Variants in SHCBP1 observed in about 807,000 individuals in gnomAD.
SHCBP1 encodes the protein SHC binding and spindle associated 1.
A neutral mutation model predicts 75.1 loss-of-function variants in SHCBP1; 60 were observed. The observed-to-expected ratio is 0.80, with a 90% CI of 0.65 to 0.99. SHCBP1 has a LOEUF of 0.99. SHCBP1 is among the 50% of genes least tolerant of loss of function. The pLI is 0.00. For synonymous variants in SHCBP1, 290 were observed against 293.2 expected, an observed-to-expected ratio of 0.99 and a Z score of 0.11; for missense variants, 709 against 809.4, an observed-to-expected ratio of 0.88 and a Z score of 1.50.
rs897885179 is a variant in SHCBP1 at position 46,603,751 on chromosome 16, A to G, written c.1093-92T>C. ...GGTGACTTCATGTCTTACTTTGAAA[A>G]TGGAAGCCAAAAACTGCATATTGAA... On this transcript the variant is annotated intron_variant, in intron 7 of 12. Transcript: ENST00000303383. The G allele has an allele frequency of 4.6e-6, 7 of 1,529,518 alleles. No individual in the cohort carries two copies. In the African/African-American group the frequency reaches 9.7e-5, roughly 21 times the overall value. The allele number at this position is 1,529,518 out of a possible 1,614,324, so 94.7% of individuals were successfully genotyped here. A position where few individuals can be genotyped will look rare whatever the true frequency, so the allele number is the denominator to read the frequency against.
At chr16:46,608,229 C>A (rs1412223898) in intron 5 of SHCBP1, 68 bp downstream of exon 5, 1 of 1,053,556 alleles carries the variant, frequency 9.5e-7, no homozygotes, top group South Asian at 1.4e-5. Flanking sequence ...GTATCTCACA[C>A]AGGCAAAATT....
At chr16:46,590,610 C>T (rs1041967735) in intron 10 of SHCBP1, among the ~76,000 whole-genome samples, 3 of 152,168 alleles carry the variant, frequency 2.0e-5, no homozygotes, top group African/African-American at 7.2e-5. Flanking sequence ...ATCAAAAACA[C>T]AATGAGATAC....
intron 12 of SHCBP1, 68 bp from the exon 13 acceptor site, chr16:46,582,122 A>G: frequency 6.8e-7 from 1 of 1,467,264 alleles, no homozygotes; most frequent in Non-Finnish European, 9.1e-7. Context: ...ATATATTTCT[A>G]CACAGTCTTC....
chr16:46,591,553 T>C (rs919126945), intron 10 of SHCBP1, among the ~76,000 whole-genome samples: 1 of 151,486 alleles, frequency 6.6e-6, no homozygotes, highest in African/African-American at 2.4e-5. Context: ...AACAAACAAA[T>C]TCAGTTATAG....
chr16:46,615,689 G>A (rs191512969), intron 4 of SHCBP1, among the ~76,000 whole-genome samples: 71 of 152,140 alleles, frequency 4.7e-4, no homozygotes, highest in East Asian at 1.7e-3. Context: ...GCAGTGAGCC[G>A]AGATCATGCC....
Position 46,599,968 on chromosome 16 carries a change from G to T in SHCBP1, c.1214-6C>A. On this transcript the variant is annotated splice_region_variant and splice_polypyrimidine_tract_variant and intron_variant, in intron 8 of 12. Transcript: ENST00000303383. The stretch of plus-strand genomic sequence containing the variant: ...GTCATCTGGTAGGCCATATCCTAAG[G>T]AAGAGAGAGCAACAACACTCAAGAT... 6.2e-7 allele frequency: 1 copy of T among 1,612,164 alleles called. No individual in the cohort carries two copies. Among genetic ancestry groups the T allele is most frequent in the Non-Finnish European group, 8.5e-7 (1 of 1,179,336 alleles).
At chr16:46,608,789 T>C (rs1357187774) in intron 4 of SHCBP1, among the ~76,000 whole-genome samples, 1 of 151,932 alleles carries the variant, frequency 6.6e-6, no homozygotes, top group East Asian at 1.9e-4. Context: ...TTAGTAGAGA[T>C]GGGGATTCAC....
At chr16:46,607,606 T>C (rs1965345094) in intron 5 of SHCBP1, among the ~76,000 whole-genome samples, 1 of 152,116 alleles carries the variant, frequency 6.6e-6, no homozygotes, top group Non-Finnish European at 1.5e-5. Context: ...AGGGAAAAAA[T>C]TACCTTCTAC....
intron 4 of SHCBP1, among the ~76,000 whole-genome samples, chr16:46,615,657 T>C (rs1965482799): frequency 1.3e-5 from 2 of 152,098 alleles, no homozygotes; most frequent in African/African-American, 2.4e-5. Flanking sequence ...GGAGAATTGC[T>C]TGAACCCAGG....
chr16:46,599,051 G>T (rs1217852861), intron 9 of SHCBP1, among the ~76,000 whole-genome samples: 1 of 152,202 alleles, frequency 6.6e-6, no homozygotes, highest in African/African-American at 2.4e-5. Context: ...AAGGAATGTG[G>T]TGGCTGATTT....
intron 10 of SHCBP1, among the ~76,000 whole-genome samples, chr16:46,595,127 C>G (rs1007489751): frequency 1.6e-4 from 25 of 152,120 alleles, no homozygotes; most frequent in Non-Finnish European, 2.6e-4. Flanking sequence ...TCTAGGAGGG[C>G]AGCATGAGGG....
At chr16:46,617,219 T>C (rs1965513418) in intron 3 of SHCBP1, among the ~76,000 whole-genome samples, 1 of 152,046 alleles carries the variant, frequency 6.6e-6, no homozygotes, top group South Asian at 2.1e-4. Flanking sequence ...TTAGCAGAGG[T>C]TGCAGTGAGC....
At chr16:46,582,111 C>T in intron 12 of SHCBP1, 57 bp from the exon 13 acceptor site, 2 of 1,508,638 alleles carry the variant, frequency 1.3e-6, no homozygotes, top group Non-Finnish European at 1.8e-6. Flanking sequence ...CCAACAAAAA[C>T]ATATATTTCT....
rs1567457394 is a variant in SHCBP1, at chr16:46,621,343, A to T, written c.17T>A (p.Leu6Gln). MADGS[L>Q]TGGGLEAAAM... ...CGCTGCCTCCAGACCGCCGCCCGTCAGCGACCCGTCAGCCATTTCAAATTT... is the reference window on the plus strand; with the variant it reads ...CGCTGCCTCCAGACCGCCGCCCGTCTGCGACCCGTCAGCCATTTCAAATTT... The change falls in exon 1 of 13, where the codon CTG becomes CAG. Residue 6 changes from leucine to glutamine, a missense_variant. Physicochemically the swap from Leu to Gln is moderately radical, Grantham distance 113. Coordinates refer to ENST00000303383, the MANE Select transcript of SHCBP1 (RefSeq NM_024745.5). 1.2e-6 allele frequency: 2 copies of T among 1,611,200 alleles called. No homozygotes were observed. The highest frequency in any genetic ancestry group is 2.7e-5 in the African/African-American group (2 of 74,908).
chr16:46,588,166 A>G (rs1964982687), intron 10 of SHCBP1, among the ~76,000 whole-genome samples: 1 of 152,248 alleles, frequency 6.6e-6, no homozygotes, highest in Non-Finnish European at 1.5e-5. Context: ...ACACATTTAA[A>G]GCAGTGTGTA....
chr16:46,610,201 A>G (rs1965387487), intron 4 of SHCBP1, among the ~76,000 whole-genome samples: 1 of 152,090 alleles, frequency 6.6e-6, no homozygotes, highest in South Asian at 2.1e-4. Flanking sequence ...CACCCACTTC[A>G]GTCTCCCAAA....
At chr16:46,603,776 A>G (rs1052295200) in intron 7 of SHCBP1, 117 bp from the exon 8 acceptor site, 21 of 1,407,328 alleles carry the variant, frequency 1.5e-5, no homozygotes, top group Admixed American at 3.9e-5. Flanking sequence ...TGCATATTGA[A>G]GCATCTCCTT....
intron 10 of SHCBP1, among the ~76,000 whole-genome samples, chr16:46,586,236 C>T (rs1254249580): frequency 6.6e-6 from 1 of 152,014 alleles, no homozygotes; most frequent in East Asian, 1.9e-4. Flanking sequence ...ACACATAAAA[C>T]CAATGAAAAA....
chr16:46,599,992 A>G (rs1555519179), intron 8 of SHCBP1, 30 bp from the exon 9 acceptor site: 11 of 1,609,272 alleles, frequency 6.8e-6, no homozygotes, highest in Non-Finnish European at 9.3e-6. Flanking sequence ...AACACTCAAG[A>G]TGGGTGAGGA....
Sources: allele counts gnomAD v4.1 joint callset (sites outside exome capture counted in the v4.1 genomes callset), GRCh38; gene constraint gnomAD v4.1.1; transcripts MANE v1.5; gene names NCBI Gene and HGNC (gene_info 2026-07-23, HGNC 2026-07-21).